The following FYN variants were observed in gnomAD, a reference collection of about 807,000 sequenced individuals.
FYN encodes the protein FYN proto-oncogene, Src family tyrosine kinase.
In FYN, 10 loss-of-function variants were observed where a neutral mutation model predicts 70.2. The ratio of observed to expected loss-of-function variants is 0.14; its 90% CI spans 0.09 to 0.24. The LOEUF (loss-of-function observed/expected upper bound fraction) is 0.24, where lower values mean the gene tolerates loss of function less well. Ranked by LOEUF, FYN falls within the 10% of genes least tolerant of loss-of-function variation. The probability of loss-of-function intolerance (pLI) is 1.00; values close to 1 mark genes in which losing one functional copy is unlikely to be tolerated. For synonymous variants in FYN, 236 were observed against 248.6 expected, an observed-to-expected ratio of 0.95 and a Z score of 0.48; for missense variants, 319 against 673.1, an observed-to-expected ratio of 0.47 and a Z score of 5.82.
intron 2 of FYN, among the ~76,000 whole-genome samples, chr6:111,815,287 A>G (rs1425665048): frequency 6.6e-6 from 1 of 152,228 alleles, no homozygotes; most frequent in East Asian, 1.9e-4. Context: ...CTGTTTAAAC[A>G]TCTTCCCAAA....
intron 1 of FYN, among the ~76,000 whole-genome samples, chr6:111,860,477 C>A (rs762390477): frequency 2.6e-5 from 4 of 152,148 alleles, no homozygotes; most frequent in Non-Finnish European, 5.9e-5. Flanking sequence ...CAGGGTGATT[C>A]ATTCCCTGGA....
intron 12 of FYN, among the ~76,000 whole-genome samples, chr6:111,687,545 G>A (rs969614607): frequency 7.1e-6 from 1 of 140,652 alleles, no homozygotes; most frequent in South Asian, 2.4e-4. Flanking sequence ...TAGAGGCAGA[G>A]CCTCCATGTG....
intron 2 of FYN, among the ~76,000 whole-genome samples, chr6:111,810,044 G>A (rs1164373478): frequency 1.3e-5 from 2 of 152,170 alleles, no homozygotes; most frequent in South Asian, 4.1e-4. Context: ...GAAGGTAGTA[G>A]CTCTCTGGTC....
At chr6:111,700,303 A>T in intron 8 of FYN, 35 bp from the exon 9 acceptor site, 1 of 1,609,942 alleles carries the variant, frequency 6.2e-7, no homozygotes. Flanking sequence ...AGAGGGAGAG[A>T]AGAGCAGAAC....
chr6:111,812,466 T>G (rs1385682411), intron 2 of FYN, among the ~76,000 whole-genome samples: 2 of 152,136 alleles, frequency 1.3e-5, no homozygotes, highest in Non-Finnish European at 2.9e-5. Context: ...TGGTGTGCAC[T>G]TTGTGGAACT....
Position 111,776,357 on chromosome 6 carries a change from C to T in FYN, c.-12+4209G>A, listed in dbSNP as rs1352881532. ...TACATAAAAATATCTAGTGCCAACA[C>T]GGTGTTTTTATCACCTCCCTCAACT... On this transcript the variant is annotated intron_variant, in intron 3 of 13. Transcript: ENST00000354650. Among the ~76,000 whole-genome samples the T allele has an allele frequency of 2.6e-5, 4 of 152,080 alleles. 1 individual carries two copies. Among genetic ancestry groups the T allele is most frequent in the South Asian group, 4.2e-4 (2 of 4,810 alleles).
At chr6:111,687,639 T>G (rs1407458111) in intron 12 of FYN, among the ~76,000 whole-genome samples, 1 of 146,106 alleles carries the variant, frequency 6.8e-6, no homozygotes, top group African/African-American at 2.6e-5. Flanking sequence ...TGTATGTGTG[T>G]GTCAGAGAGA....
chr6:111,810,678 G>A (rs1482733813), intron 2 of FYN, among the ~76,000 whole-genome samples: 1 of 151,986 alleles, frequency 6.6e-6, no homozygotes, highest in African/African-American at 2.4e-5. Flanking sequence ...CCAGTGCCTG[G>A]GTGCACTCAC....
intron 2 of FYN, chr6:111,818,595 C>G (rs1772562080): frequency 6.6e-6 from 1 of 152,304 alleles, no homozygotes; most frequent in South Asian, 2.1e-4. Flanking sequence ...GGGCCCAGCT[C>G]CCTCCATGGT....
intron 4 of FYN, among the ~76,000 whole-genome samples, chr6:111,717,519 T>A (rs1392486486): frequency 6.6e-6 from 1 of 152,024 alleles, no homozygotes; most frequent in African/African-American, 2.4e-5. Flanking sequence ...TGGAGTGCAA[T>A]GGCGTGATCT....
At chr6:111,857,474 A>G (rs1304468283) in intron 1 of FYN, among the ~76,000 whole-genome samples, 1 of 152,244 alleles carries the variant, frequency 6.6e-6, no homozygotes, top group Admixed American at 6.5e-5. Context: ...AACCTAGGAC[A>G]GGTATACTAA....
intron 9 of FYN, among the ~76,000 whole-genome samples, chr6:111,699,040 G>T (rs1486993390): frequency 6.6e-6 from 1 of 152,118 alleles, no homozygotes. Flanking sequence ...CCAATATCGC[G>T]CCATTGCACT....
intron 2 of FYN, among the ~76,000 whole-genome samples, chr6:111,815,712 C>CTTTTTTTTTT (rs11320954): frequency 7.1e-6 from 1 of 140,484 alleles, no homozygotes. Context: ...CTGAGTACTT[C>CTTTTTTTTTT]TTTTTTTTTT....
chr6:111,732,217 T>C (rs1162258476), intron 3 of FYN, among the ~76,000 whole-genome samples: 1 of 152,234 alleles, frequency 6.6e-6, no homozygotes, highest in African/African-American at 2.4e-5. Flanking sequence ...ACACTACTGC[T>C]TGTAAAAGTT....
intron 6 of FYN, among the ~76,000 whole-genome samples, chr6:111,706,274 G>T (rs1311852767): frequency 6.6e-6 from 1 of 152,216 alleles, no homozygotes; most frequent in African/African-American, 2.4e-5. Flanking sequence ...CATTCAATTG[G>T]AATCTGTGTG....
chr6:111,769,750 TG>T (rs1020959973), intron 3 of FYN, among the ~76,000 whole-genome samples: 2 of 152,168 alleles, frequency 1.3e-5, no homozygotes, highest in African/African-American at 4.8e-5. Context: ...ACACACACCC[TG>T]GCTTTGAAAA....
At chr6:111,844,444 T>A (rs528395262) in intron 2 of FYN, among the ~76,000 whole-genome samples, 1 of 152,212 alleles carries the variant, frequency 6.6e-6, no homozygotes, top group Non-Finnish European at 1.5e-5. Context: ...AAAAGAAAAG[T>A]TGATAGATCC....
intron 12 of FYN, among the ~76,000 whole-genome samples, chr6:111,683,727 CA>C (rs10707526): frequency 0.67 from 99,961 of 148,684 alleles, 34,171 homozygotes; most frequent in African/African-American, 0.83. Flanking sequence ...GGTAATAAAA[CA>C]AAAAAAAAAA....
At chr6:111,693,404 CATT>C (rs1799434509) in intron 12 of FYN, among the ~76,000 whole-genome samples, 1 of 152,094 alleles carries the variant, frequency 6.6e-6, no homozygotes, top group Non-Finnish European at 1.5e-5. Flanking sequence ...CAGCTATAAA[CATT>C]ATATTCTACA....
Sources: allele counts gnomAD v4.1 joint callset (sites outside exome capture counted in the v4.1 genomes callset), GRCh38; gene constraint gnomAD v4.1.1; transcripts MANE v1.5; gene names NCBI Gene and HGNC (gene_info 2026-07-23, HGNC 2026-07-21).